PIP5K1B: variants seen among roughly 807,000 people sequenced by gnomAD.
PIP5K1B encodes phosphatidylinositol-4-phosphate 5-kinase type 1 beta.
PIP5K1B carries 42 observed loss-of-function variants against 67.0 expected under a neutral mutation model. The observed-to-expected ratio is 0.63, with a 90% CI of 0.49 to 0.81. PIP5K1B has a LOEUF of 0.81. Among genes scored for constraint, PIP5K1B ranks in the 30% least tolerant of loss-of-function variants. PIP5K1B has a pLI of 0.00. For missense variants in PIP5K1B, 459 were observed against 646.3 expected (o/e 0.71, Z 3.14); for synonymous variants, 214 against 231.4 (o/e 0.92, Z 0.68).
intron 8 of PIP5K1B, among the ~76,000 whole-genome samples, chr9:68,914,610 G>A (rs1403362434): frequency 1.3e-5 from 2 of 152,136 alleles, no homozygotes; most frequent in African/African-American, 2.4e-5. Context: ...AGCTACTCGG[G>A]AGGCTGAGGC....
At chr9:68,947,682 G>T (rs1055742503) in intron 14 of PIP5K1B, among the ~76,000 whole-genome samples, 2 of 152,198 alleles carry the variant, frequency 1.3e-5, no homozygotes, top group Admixed American at 1.3e-4. Flanking sequence ...AGTAATCATG[G>T]AACCAATTTA....
At chr9:68,927,586 T>G (rs369353421) in intron 12 of PIP5K1B, among the ~76,000 whole-genome samples, 103 of 152,336 alleles carry the variant, frequency 6.8e-4, no homozygotes, top group African/African-American at 2.2e-3. Flanking sequence ...AAATGCTCAC[T>G]CAAACCCTTT....
At chr9:68,920,359 CTTTTTTTTTTT>C (rs5898051) in intron 11 of PIP5K1B, among the ~76,000 whole-genome samples, 8 of 98,372 alleles carry the variant, frequency 8.1e-5, no homozygotes, top group East Asian at 3.4e-4. Context: ...CTGAGGTTGT[CTTTTTTTTTTT>C]TTTTTTTTTT....
At chr9:68,779,920 T>C in intron 2 of PIP5K1B, 1 of 458,516 alleles carries the variant, frequency 2.2e-6, no homozygotes, top group East Asian at 3.4e-5. Flanking sequence ...GCCGAAGGAA[T>C]ATACGGACTA....
chr9:68,869,129 T>C (rs1823501774), intron 5 of PIP5K1B, among the ~76,000 whole-genome samples: 1 of 152,212 alleles, frequency 6.6e-6, no homozygotes, highest in African/African-American at 2.4e-5. Flanking sequence ...GTCCATCTTA[T>C]ACCAGGGATT....
intron 14 of PIP5K1B, among the ~76,000 whole-genome samples, chr9:68,981,419 G>A (rs1307170363): frequency 8.4e-6 from 1 of 118,604 alleles, no homozygotes; most frequent in Non-Finnish European, 1.6e-5. Context: ...GGAATCGCCA[G>A]AAAATATTAA....
intron 14 of PIP5K1B, among the ~76,000 whole-genome samples, chr9:68,959,031 C>T (rs758081030): frequency 2.0e-5 from 3 of 152,062 alleles, no homozygotes; most frequent in Non-Finnish European, 4.4e-5. Flanking sequence ...AAGAAACCAC[C>T]ATTTCCTTGA....
At chr9:68,798,331 C>T (rs1158847318) in intron 2 of PIP5K1B, among the ~76,000 whole-genome samples, 1 of 152,180 alleles carries the variant, frequency 6.6e-6, no homozygotes, top group African/African-American at 2.4e-5. Flanking sequence ...AGTCATTGAA[C>T]TGAATTAACT....
In PIP5K1B at chr9:68,981,514, A is replaced by C. The variant is rs369316977; in HGVS notation, c.1503-9626A>C. Among the ~76,000 whole-genome samples the C allele has an allele frequency of 5.3e-5, 8 of 152,350 alleles. No homozygotes were observed. In the East Asian group the frequency reaches 1.5e-3, roughly 29 times the overall value. ...GGGCAGGAGGTTGTTGCTTTTCATC[A>C]GAAGTCATCTGTGTTGTGTGCTTTA... On this transcript the variant is annotated intron_variant, in intron 14 of 15. Transcript: ENST00000265382.
chr9:68,812,974 C>T (rs959130473), intron 2 of PIP5K1B, among the ~76,000 whole-genome samples: 2 of 152,210 alleles, frequency 1.3e-5, no homozygotes, highest in Non-Finnish European at 2.9e-5. Flanking sequence ...AACCAGCATG[C>T]TTCTAGCGCA....
intron 2 of PIP5K1B, among the ~76,000 whole-genome samples, chr9:68,812,434 A>G (rs368462718): frequency 2.0e-5 from 3 of 152,332 alleles, no homozygotes; most frequent in African/African-American, 7.2e-5. Context: ...TACATAGTCA[A>G]AAAAAAGTCA....
At chr9:68,868,603 AAC>A (rs1462503267) in intron 5 of PIP5K1B, among the ~76,000 whole-genome samples, 1 of 152,192 alleles carries the variant, frequency 6.6e-6, no homozygotes, top group Non-Finnish European at 1.5e-5. Context: ...ATTGAATCAG[AAC>A]AAGTGTCCAG....
At chr9:68,858,878 T>C (rs1043785299) in intron 4 of PIP5K1B, among the ~76,000 whole-genome samples, 4 of 152,258 alleles carry the variant, frequency 2.6e-5, no homozygotes, top group African/African-American at 9.6e-5. Context: ...GCAGTTTTGA[T>C]GTAAGGACGT....
chr9:68,887,211 A>G (rs1002132359), intron 6 of PIP5K1B, among the ~76,000 whole-genome samples: 6 of 152,136 alleles, frequency 3.9e-5, no homozygotes, highest in African/African-American at 1.4e-4. Flanking sequence ...CTGATGTGTA[A>G]TGTATTTACT....
chr9:68,930,197 G>T (rs567979680), intron 12 of PIP5K1B, among the ~76,000 whole-genome samples: 2 of 152,114 alleles, frequency 1.3e-5, no homozygotes, highest in South Asian at 4.2e-4. Context: ...CAGCACTCTG[G>T]GTAATTCCCT....
rs537420818 is a variant in PIP5K1B at position 68,942,916 on chromosome 9, T to C, written c.1502+2126T>C. Among the ~76,000 whole-genome samples, 20 of 152,204 alleles carry C rather than the reference T, an allele frequency of 1.3e-4. No homozygotes were observed. The South Asian group carries it at 2.3e-3, about 17-fold the overall frequency. ...GGGAATTGGGTGCCTACAAAGTCTG[T>C]GGAAAGGCAGTGGGCATGGGCTCCA... On this transcript the variant is annotated intron_variant, in intron 14 of 15. Coordinates refer to ENST00000265382, the MANE Select transcript of PIP5K1B (RefSeq NM_003558.4).
intron 6 of PIP5K1B, among the ~76,000 whole-genome samples, chr9:68,881,865 A>G (rs1341446512): frequency 6.6e-6 from 1 of 152,194 alleles, no homozygotes; most frequent in Non-Finnish European, 1.5e-5. Context: ...GTGCCTGGAT[A>G]TTCAAAAATC....
intron 4 of PIP5K1B, among the ~76,000 whole-genome samples, chr9:68,861,842 T>C (rs1180962656): frequency 6.6e-6 from 1 of 152,046 alleles, no homozygotes; most frequent in African/African-American, 2.4e-5. Context: ...ATGGTGGCAT[T>C]GCAGAGCTCC....
intron 8 of PIP5K1B, among the ~76,000 whole-genome samples, chr9:68,910,787 G>A (rs1412554261): frequency 6.6e-6 from 1 of 152,174 alleles, no homozygotes; most frequent in Non-Finnish European, 1.5e-5. Context: ...AAAACAGTAG[G>A]ATTTGAAAAG....
Sources: gnomAD v4.1 joint callset for allele counts (sites outside exome capture counted in the v4.1 genomes callset) on GRCh38, gnomAD v4.1.1 for gene constraint, MANE v1.5 for transcripts, NCBI Gene and HGNC (gene_info 2026-07-23, HGNC 2026-07-21) for gene names.